The following AFF3 variants were observed in gnomAD, a reference collection of about 807,000 sequenced individuals.
AFF3 encodes the protein ALF transcription elongation factor 3, also known as AF4/FMR2 family member 3.
AFF3 carries 32 observed loss-of-function variants against 129.7 expected under a neutral mutation model. The observed-to-expected ratio is 0.25, with a 90% CI of 0.19 to 0.33. AFF3 has a LOEUF of 0.33. Among genes scored for constraint, AFF3 ranks in the 10% least tolerant of loss-of-function variants. The pLI is 1.00. For missense variants in AFF3, 1,373 were observed against 1,592.0 expected (o/e 0.86, Z 2.34); for synonymous variants, 644 against 635.4 (o/e 1.01, Z -0.20).
chr2:100,037,088 C>T (rs904310029), intron 4 of AFF3, among the ~76,000 whole-genome samples: 1 of 151,796 alleles, frequency 6.6e-6, no homozygotes, highest in Non-Finnish European at 1.5e-5. Flanking sequence ...AAAACTGTTA[C>T]TAAGAAAATT....
intron 2 of AFF3, among the ~76,000 whole-genome samples, chr2:100,128,191 G>A (rs1449245975): frequency 1.3e-5 from 2 of 152,108 alleles, no homozygotes; most frequent in African/African-American, 4.8e-5. Flanking sequence ...AGCAGCCCTC[G>A]GGGCTGCTCT....
intron 1 of AFF3, among the ~76,000 whole-genome samples, chr2:100,137,144 A>T (rs1211479802): frequency 6.6e-6 from 1 of 152,192 alleles, no homozygotes; most frequent in Non-Finnish European, 1.5e-5. Context: ...ACATGTATGA[A>T]GTTATATAAC....
chr2:99,871,251 A>G (rs1691847390), intron 7 of AFF3, among the ~76,000 whole-genome samples: 1 of 152,314 alleles, frequency 6.6e-6, no homozygotes, highest in South Asian at 2.1e-4. Context: ...AAAAATATAT[A>G]AAGTCAGAAA....
At chr2:99,595,632 G>T (rs1679208606) in intron 14 of AFF3, among the ~76,000 whole-genome samples, 1 of 151,414 alleles carries the variant, frequency 6.6e-6, no homozygotes, top group African/African-American at 2.4e-5. Context: ...AAGTATCAAG[G>T]TTTGTTTTTC....
At chr2:99,938,674 G>A (rs977589717) in intron 7 of AFF3, among the ~76,000 whole-genome samples, 3 of 152,186 alleles carry the variant, frequency 2.0e-5, no homozygotes, top group Non-Finnish European at 4.4e-5. Context: ...GAGGCCCTCA[G>A]GGAAGAGGGA....
intron 7 of AFF3, among the ~76,000 whole-genome samples, chr2:99,933,140 C>A (rs113316390): frequency 6.6e-6 from 1 of 150,770 alleles, no homozygotes; most frequent in Admixed American, 6.6e-5. Flanking sequence ...ATGAGTTTCA[C>A]CGGAGGTCTT....
intron 4 of AFF3, among the ~76,000 whole-genome samples, chr2:100,022,361 T>G (rs1683659073): frequency 6.6e-6 from 1 of 152,200 alleles, no homozygotes; most frequent in Admixed American, 6.5e-5. Flanking sequence ...AACAATGTGT[T>G]TGTTTCCTCT....
intron 11 of AFF3, among the ~76,000 whole-genome samples, chr2:99,720,310 G>A (rs1402323957): frequency 2.0e-5 from 3 of 152,172 alleles, no homozygotes; most frequent in Non-Finnish European, 4.4e-5. Flanking sequence ...CCTCCCTGAA[G>A]GTGAGTGAGT....
intron 4 of AFF3, among the ~76,000 whole-genome samples, chr2:100,061,695 C>G (rs1345749951): frequency 6.6e-6 from 1 of 152,100 alleles, no homozygotes; most frequent in African/African-American, 2.4e-5. Flanking sequence ...AGGAGCTTTT[C>G]AAAGTTAATG....
At chr2:100,119,956 A>C (rs1200273728) in intron 2 of AFF3, among the ~76,000 whole-genome samples, 1 of 152,248 alleles carries the variant, frequency 6.6e-6, no homozygotes, top group East Asian at 1.9e-4. Context: ...TCTAAAGACT[A>C]TCCTGATGGG....
At chr2:99,858,165 A>G (rs1690664447) in intron 7 of AFF3, among the ~76,000 whole-genome samples, 1 of 152,168 alleles carries the variant, frequency 6.6e-6, no homozygotes, top group African/African-American at 2.4e-5. Flanking sequence ...TGCAGATCAG[A>G]TCTGAATTCA....
intron 7 of AFF3, among the ~76,000 whole-genome samples, chr2:99,934,132 G>A (rs567337097): frequency 5.9e-5 from 9 of 152,266 alleles, no homozygotes; most frequent in East Asian, 3.9e-4. Flanking sequence ...AGCCTTGCCC[G>A]AATCTCACCA....
At chr2:99,999,016 A>T (rs1299943217) in intron 7 of AFF3, among the ~76,000 whole-genome samples, 1 of 152,162 alleles carries the variant, frequency 6.6e-6, no homozygotes, top group African/African-American at 2.4e-5. Context: ...TTGTGGCCAC[A>T]GAACACGACC....
chr2:99,747,912 AAAT>A (rs1385463881), intron 9 of AFF3, among the ~76,000 whole-genome samples: 1 of 152,194 alleles, frequency 6.6e-6, no homozygotes, highest in African/African-American at 2.4e-5. Context: ...CTGCGGGTAC[AAAT>A]AATGTCCCAT....
At chr2:99,895,428 T>G (rs1337445188) in intron 7 of AFF3, among the ~76,000 whole-genome samples, 2 of 152,236 alleles carry the variant, frequency 1.3e-5, no homozygotes, top group Non-Finnish European at 2.9e-5. Context: ...TGCTGAAATT[T>G]AGATACGCTG....
intron 11 of AFF3, among the ~76,000 whole-genome samples, chr2:99,696,784 C>T (rs1162938599): frequency 6.6e-6 from 1 of 152,052 alleles, no homozygotes; most frequent in African/African-American, 2.4e-5. Flanking sequence ...GCTAGGACTA[C>T]AGGCACGCGC....
chr2:99,560,501 G>A lies in AFF3; in HGVS notation c.3120-65C>T, dbSNP rs534313187. ...AAAAAGCAAAGAAATAGTAAAACTAGCTTTTTTATTAACAGAACTTCTATG... is the reference window on the plus strand; with the variant it reads ...AAAAAGCAAAGAAATAGTAAAACTAACTTTTTTATTAACAGAACTTCTATG... On this transcript the variant is annotated intron_variant, in intron 20 of 24. Transcript: ENST00000672756. The A allele has an allele frequency of 1.2e-3, 1,782 of 1,465,934 alleles. 30 individuals are homozygous for A. The South Asian group carries it at 0.015, about 12-fold the overall frequency. 90.8% of individuals were successfully genotyped at this position (1,465,934 alleles called of 1,614,324 possible). A position where few individuals can be genotyped will look rare whatever the true frequency, so the allele number is the denominator to read the frequency against.
At chr2:99,873,417 A>G (rs1197251634) in intron 7 of AFF3, among the ~76,000 whole-genome samples, 3 of 152,238 alleles carry the variant, frequency 2.0e-5, no homozygotes, top group Non-Finnish European at 4.4e-5. Flanking sequence ...TTGTATTATT[A>G]TGAAGATAGT....
At chr2:99,579,746 G>A (rs764633007) in intron 17 of AFF3, among the ~76,000 whole-genome samples, 301 of 150,716 alleles carry the variant, frequency 2.0e-3, no homozygotes, top group Non-Finnish European at 3.3e-3. Flanking sequence ...ATGTGTGTGT[G>A]TATATATATA....
Sources: allele counts gnomAD v4.1 joint callset (sites outside exome capture counted in the v4.1 genomes callset), GRCh38; gene constraint gnomAD v4.1.1; transcripts MANE v1.5; gene names NCBI Gene and HGNC (gene_info 2026-07-23, HGNC 2026-07-21).